CRCP: variants seen among roughly 807,000 people sequenced by gnomAD.
CRCP encodes DNA-directed RNA polymerase III subunit RPC9.
Under a neutral mutation model 18.5 loss-of-function variants are expected in CRCP, and 18 were observed. That is an observed-to-expected ratio of 0.97 (90% CI 0.67 to 1.44). CRCP has a LOEUF of 1.44. Ranked by LOEUF, CRCP falls within the 40% of genes most tolerant of loss-of-function variation. The pLI, the probability that CRCP is intolerant of heterozygous loss-of-function variation, is 0.00. For missense variants in CRCP, 130 were observed against 176.4 expected (o/e 0.74, Z 1.49); for synonymous variants, 53 against 62.9 (o/e 0.84, Z 0.75).
At chr7:66,115,311 C>A in intron 1 of CRCP, among the ~76,000 whole-genome samples, 1 of 152,186 alleles carries the variant, frequency 6.6e-6, no homozygotes, top group Admixed American at 6.5e-5. Context: ...CGACCCCGGA[C>A]TTAGAAGGCT....
intron 1 of CRCP, among the ~76,000 whole-genome samples, chr7:66,115,791 CACATTTTT>C (rs543946333): frequency 9.2e-5 from 14 of 152,234 alleles, no homozygotes; most frequent in Non-Finnish European, 1.9e-4. Flanking sequence ...TATGGCATTT[CACATTTTT>C]ACATTTTTAA....
intron 3 of CRCP, among the ~76,000 whole-genome samples, 171 bp from the exon 4 acceptor site, chr7:66,134,109 C>G (rs1014528108): frequency 2.0e-5 from 3 of 151,972 alleles, no homozygotes; most frequent in Non-Finnish European, 2.9e-5. Context: ...ATTTGGCCAC[C>G]TCGGCCTCCC....
At chr7:66,129,762 T>G (rs1403059790) in intron 2 of CRCP, among the ~76,000 whole-genome samples, 5 of 152,176 alleles carry the variant, frequency 3.3e-5, no homozygotes, top group African/African-American at 1.2e-4. Context: ...TTTTATCCAT[T>G]GGGGAAACAT....
intron 4 of CRCP, among the ~76,000 whole-genome samples, chr7:66,135,087 C>T (rs1321013756): frequency 6.6e-6 from 1 of 152,156 alleles, no homozygotes; most frequent in Non-Finnish European, 1.5e-5. Context: ...CTGCTTCTTC[C>T]CTAATGATTC....
chr7:66,114,955 G>T lies in CRCP; in HGVS notation c.-8G>T. 6.2e-7 allele frequency: 1 copy of T among 1,612,350 alleles called. No individual in the cohort carries two copies. Among genetic ancestry groups the T allele is most frequent in the East Asian group, 2.2e-5 (1 of 44,802 alleles). On this transcript the variant is annotated 5_prime_UTR_variant, in exon 1 of 6. Coordinates refer to ENST00000395326, the MANE Select transcript of CRCP (RefSeq NM_014478.5). ...TGCTGGCAGCTAGGGGCGACGAGGC[G>T]GGACGTCATGGAAGTGTAAGTCTTC...
At chr7:66,145,349 A>AT in intron 4 of CRCP, 94 bp from the exon 5 acceptor site, 3 of 1,353,612 alleles carry the variant, frequency 2.2e-6, no homozygotes, top group East Asian at 2.4e-5. Flanking sequence ...TGGTTCTCCC[A>AT]TTTTTTATCT....
intron 1 of CRCP, among the ~76,000 whole-genome samples, chr7:66,115,883 C>T (rs775893012): frequency 2.0e-5 from 3 of 152,182 alleles, no homozygotes; most frequent in African/African-American, 4.8e-5. Context: ...TCACTGCAGC[C>T]TCACTTTCTG....
chr7:66,143,251 G>C (rs1788192067), intron 4 of CRCP, among the ~76,000 whole-genome samples: 2 of 152,140 alleles, frequency 1.3e-5, no homozygotes, highest in South Asian at 4.1e-4. Flanking sequence ...ATTCCTCACT[G>C]TCTGCCTCCA....
At chr7:66,121,608 C>T (rs905906416) in intron 1 of CRCP, among the ~76,000 whole-genome samples, 1 of 151,910 alleles carries the variant, frequency 6.6e-6, no homozygotes, top group African/African-American at 2.4e-5. Context: ...TACAGGCATG[C>T]GCCACCATGC....
intron 5 of CRCP, among the ~76,000 whole-genome samples, chr7:66,147,426 A>G (rs908456353): frequency 6.6e-6 from 1 of 151,770 alleles, no homozygotes; most frequent in African/African-American, 2.4e-5. Flanking sequence ...TGTCACTTCG[A>G]ATGCCCGCCC....
chr7:66,134,606 C>A, intron 4 of CRCP: 1 of 317,312 alleles, frequency 3.2e-6, no homozygotes, highest in Admixed American at 5.1e-5. Context: ...CTGTATTACT[C>A]TGCCTGCTTA....
At chr7:66,142,032 T>C (rs946237116) in intron 4 of CRCP, among the ~76,000 whole-genome samples, 1 of 152,130 alleles carries the variant, frequency 6.6e-6, no homozygotes, top group Admixed American at 6.6e-5. Flanking sequence ...GCTGATCTTC[T>C]GGTCATCTCG....
At chr7:66,122,635 G>A (rs1787480139) in intron 1 of CRCP, among the ~76,000 whole-genome samples, 1 of 140,580 alleles carries the variant, frequency 7.1e-6, no homozygotes, top group African/African-American at 2.5e-5. Flanking sequence ...TTAGACAGTT[G>A]TTTTGTTTTT....
At chr7:66,131,874 G>A (rs1421915692) in intron 3 of CRCP, among the ~76,000 whole-genome samples, 1 of 151,038 alleles carries the variant, frequency 6.6e-6, no homozygotes, top group African/African-American at 2.4e-5. Context: ...CGATTCTCCT[G>A]CCTCAGCCTC....
intron 1 of CRCP, among the ~76,000 whole-genome samples, chr7:66,122,940 A>G (rs144457947): frequency 1.4e-5 from 2 of 145,374 alleles, no homozygotes; most frequent in South Asian, 2.2e-4. Context: ...AATGAGTACT[A>G]TTCTTTCTTT....
intron 1 of CRCP, among the ~76,000 whole-genome samples, chr7:66,123,729 CAA>C (rs1466028347): frequency 1.4e-5 from 2 of 139,416 alleles, no homozygotes; most frequent in Non-Finnish European, 3.0e-5. Context: ...GCCTGGGCAA[CAA>C]GAGCGAAACT....
At chr7:66,122,208 T>A (rs551875402) in intron 1 of CRCP, among the ~76,000 whole-genome samples, 1 of 152,114 alleles carries the variant, frequency 6.6e-6, no homozygotes, top group African/African-American at 2.4e-5. Flanking sequence ...ACCCCATCTC[T>A]ACTAAAAATA....
intron 1 of CRCP, 128 bp from the exon 2 acceptor site, chr7:66,127,576 A>C: frequency 1.0e-6 from 1 of 1,003,528 alleles, no homozygotes; most frequent in Admixed American, 2.1e-5. Context: ...TCTCAGTTTC[A>C]ATTTTAGGTT....
intron 4 of CRCP, among the ~76,000 whole-genome samples, chr7:66,145,088 G>A (rs563127905): frequency 4.6e-5 from 7 of 152,180 alleles, no homozygotes; most frequent in South Asian, 4.2e-4. Flanking sequence ...CCCTGGAGGC[G>A]GAGGCTACAG....
Sources: gnomAD v4.1 joint callset for allele counts (sites outside exome capture counted in the v4.1 genomes callset) on GRCh38, gnomAD v4.1.1 for gene constraint, MANE v1.5 for transcripts, NCBI Gene and HGNC (gene_info 2026-07-23, HGNC 2026-07-21) for gene names.